Variants in ZNF423 observed in about 807,000 individuals in gnomAD.
ZNF423 encodes the protein zinc finger protein 423.
In ZNF423, 12 loss-of-function variants were observed where a neutral mutation model predicts 95.8. That is an observed-to-expected ratio of 0.13 (90% CI 0.08 to 0.20). ZNF423 has a LOEUF of 0.20. ZNF423 is among the 10% of genes least tolerant of loss of function. The pLI is 1.00. For synonymous variants in ZNF423, 749 were observed against 711.9 expected, an observed-to-expected ratio of 1.05 and a Z score of -0.83; for missense variants, 1,316 against 1,737.1, an observed-to-expected ratio of 0.76 and a Z score of 4.31.
intron 5 of ZNF423, among the ~76,000 whole-genome samples, chr16:49,612,068 T>C (rs577160067): frequency 6.2e-4 from 95 of 152,004 alleles, no homozygotes; most frequent in Non-Finnish European, 1.3e-3. Context: ...TAAAGAAGAA[T>C]CAACACCAAT....
rs201438764 is a variant in ZNF423 at position 49,730,902 on chromosome 16, G to A, written c.170C>T (p.Thr57Ile). ...ATCCTCATTTCTCTCCTCTTGACTTGTCACGCTGTTCCTGTCTTCCAGCGC... is the reference window on the plus strand; with the variant it reads ...ATCCTCATTTCTCTCCTCTTGACTTATCACGCTGTTCCTGTCTTCCAGCGC... ...SRALEDRNSV[T>I]SQEERNEDDE... Residue 57 changes from threonine to isoleucine, a missense_variant, in exon 3 of 8, where the codon ACA becomes ATA. Physicochemically the swap from Thr to Ile is moderately conservative, Grantham distance 89. This residue lies in a region of ZNF423 where 155 missense variants were observed against 170.8 expected (regional missense o/e 0.91). Coordinates refer to ENST00000563137, the MANE Select transcript of ZNF423 (RefSeq NM_001379286.1). 2.4e-5 allele frequency: 39 copies of A among 1,614,034 alleles called. No individual in the cohort carries two copies. Among genetic ancestry groups the A allele is most frequent in the Non-Finnish European group, 3.3e-5 (39 of 1,180,032 alleles).
intron 2 of ZNF423, among the ~76,000 whole-genome samples, chr16:49,775,085 G>C (rs554383272): frequency 6.6e-6 from 1 of 152,190 alleles, no homozygotes; most frequent in Non-Finnish European, 1.5e-5. Flanking sequence ...CCTCCAGGCT[G>C]TACTGCATGG....
At position 49,588,674 on chromosome 16, in the gene ZNF423, G is replaced by A. The variant is rs534417734; in HGVS notation, c.3601+37496C>T. The stretch of plus-strand genomic sequence containing the variant: ...CTGTTTATAACATGAGATGTTTTAC[G>A]GTAGCTATGTCTGCCTCCCAAATAT... On this transcript the variant is annotated intron_variant, in intron 5 of 7. Transcript: ENST00000563137. 3.2e-4 allele frequency among the ~76,000 whole-genome samples: 48 copies of A among 152,246 alleles called. 1 individual carries two copies. The South Asian group carries it at 6.4e-3, about 20-fold the overall frequency.
intron 7 of ZNF423, among the ~76,000 whole-genome samples, chr16:49,514,410 C>G (rs1238227875): frequency 6.6e-6 from 1 of 151,974 alleles, no homozygotes; most frequent in African/African-American, 2.4e-5. Context: ...GTTCCCAGTT[C>G]TGTCTCAGGC....
chr16:49,609,021 T>A (rs1971630601), intron 5 of ZNF423, among the ~76,000 whole-genome samples: 1 of 152,124 alleles, frequency 6.6e-6, no homozygotes, highest in Non-Finnish European at 1.5e-5. Context: ...AGAGACCACA[T>A]GGGGAGCCTG....
intron 3 of ZNF423, among the ~76,000 whole-genome samples, chr16:49,703,726 T>C (rs1053156522): frequency 2.6e-5 from 4 of 152,226 alleles, no homozygotes; most frequent in African/African-American, 9.6e-5. Context: ...ATGGATTCCT[T>C]CCCACCAGCT....
At chr16:49,845,971 A>T (rs2035240947) in intron 1 of ZNF423, among the ~76,000 whole-genome samples, 1 of 152,130 alleles carries the variant, frequency 6.6e-6, no homozygotes, top group Admixed American at 6.5e-5. Context: ...GATTTGAGCT[A>T]TTCACTGTGG....
chr16:49,697,904 A>C, intron 3 of ZNF423, among the ~76,000 whole-genome samples: 1 of 152,262 alleles, frequency 6.6e-6, no homozygotes, highest in Non-Finnish European at 1.5e-5. Context: ...GACAAAAGGC[A>C]GAGGGGGCAG....
chr16:49,577,275 G>A (rs1477318315), intron 5 of ZNF423, among the ~76,000 whole-genome samples: 1 of 152,160 alleles, frequency 6.6e-6, no homozygotes, highest in East Asian at 1.9e-4. Context: ...GCTACTCCAT[G>A]TCAACACTGA....
intron 3 of ZNF423, among the ~76,000 whole-genome samples, chr16:49,696,165 C>T (rs991702775): frequency 6.6e-6 from 1 of 152,222 alleles, no homozygotes; most frequent in African/African-American, 2.4e-5. Flanking sequence ...AGCCCTGGAA[C>T]TGTTCTTTTC....
At chr16:49,688,263 T>C (rs2031646567) in intron 3 of ZNF423, among the ~76,000 whole-genome samples, 1 of 152,164 alleles carries the variant, frequency 6.6e-6, no homozygotes, top group Non-Finnish European at 1.5e-5. Context: ...CTCCTTTTTC[T>C]ACACAGCAGA....
At chr16:49,842,054 T>C (rs1427233056) in intron 1 of ZNF423, among the ~76,000 whole-genome samples, 2 of 151,266 alleles carry the variant, frequency 1.3e-5, no homozygotes, top group Non-Finnish European at 2.9e-5. Context: ...CTGGCCAACA[T>C]AGCGAAACCC....
At chr16:49,756,048 G>A (rs74018918) in intron 2 of ZNF423, among the ~76,000 whole-genome samples, 1,819 of 152,320 alleles carry the variant, frequency 0.012, 34 homozygotes, top group African/African-American at 0.042. Flanking sequence ...CTGAGTCCAA[G>A]GTTCAGGTAG....
At chr16:49,664,895 G>A (rs1385143600) in intron 3 of ZNF423, among the ~76,000 whole-genome samples, 2 of 152,268 alleles carry the variant, frequency 1.3e-5, no homozygotes, top group Admixed American at 1.3e-4. Context: ...CACGATCCCT[G>A]CTCTTTTGTG....
At chr16:49,804,404 AT>A (rs1301225595) in intron 1 of ZNF423, among the ~76,000 whole-genome samples, 3 of 152,192 alleles carry the variant, frequency 2.0e-5, no homozygotes, top group Non-Finnish European at 2.9e-5. Flanking sequence ...TCAGAAAAAA[AT>A]CTAATCAAAT....
chr16:49,827,610 G>A (rs991297857), intron 1 of ZNF423, among the ~76,000 whole-genome samples: 3 of 151,982 alleles, frequency 2.0e-5, no homozygotes, highest in African/African-American at 7.2e-5. Flanking sequence ...TGAGCTCCTG[G>A]GCTCCGGCAA....
At chr16:49,555,083 T>TAAA (rs912249570) in intron 5 of ZNF423, among the ~76,000 whole-genome samples, 1 of 151,676 alleles carries the variant, frequency 6.6e-6, no homozygotes, top group African/African-American at 2.4e-5. Flanking sequence ...AATTAAATGT[T>TAAA]AAAAAAAAAT....
chr16:49,705,023 T>C (rs2032305875), intron 3 of ZNF423, among the ~76,000 whole-genome samples: 1 of 152,186 alleles, frequency 6.6e-6, no homozygotes, highest in Non-Finnish European at 1.5e-5. Context: ...GCCTCTTTGT[T>C]GCCCGAGCTA....
intron 5 of ZNF423, among the ~76,000 whole-genome samples, chr16:49,618,388 T>C (rs951416375): frequency 9.9e-5 from 15 of 152,170 alleles, no homozygotes; most frequent in African/African-American, 3.6e-4. Context: ...GTAATCCCCA[T>C]GTGTGGAGGG....
Sources: allele counts gnomAD v4.1 joint callset (sites outside exome capture counted in the v4.1 genomes callset), GRCh38; gene constraint gnomAD v4.1.1; regional missense constraint gnomAD v4.1.1; transcripts MANE v1.5; gene names NCBI Gene and HGNC (gene_info 2026-07-23, HGNC 2026-07-21).